The following CLCN6 variants were observed in gnomAD, a reference collection of about 807,000 sequenced individuals.
CLCN6 encodes Cl-/H+ antiporter 6, also known as H(+)/Cl(-) exchange transporter 6.
CLCN6 carries 70 observed loss-of-function variants against 109.8 expected under a neutral mutation model. The observed-to-expected ratio is 0.64, with a 90% confidence interval of 0.53 to 0.78. CLCN6 has a LOEUF of 0.78. Among genes scored for constraint, CLCN6 ranks in the 30% least tolerant of loss-of-function variants. The probability of loss-of-function intolerance (pLI) is 0.00; values close to 1 mark genes in which losing one functional copy is unlikely to be tolerated. For missense variants in CLCN6, 984 were observed against 1,142.3 expected, an observed-to-expected ratio of 0.86 and a Z score of 2.00; for synonymous variants, 444 against 447.8, an observed-to-expected ratio of 0.99 and a Z score of 0.11.
chr1:11,813,785 G>C (rs1045598446), intron 2 of CLCN6, among the ~76,000 whole-genome samples: 10 of 152,072 alleles, frequency 6.6e-5, no homozygotes, highest in African/African-American at 2.4e-4. Flanking sequence ...ACTACCTCAC[G>C]GATGTTTTCC....
At position 11,829,125 on chromosome 1, in the gene CLCN6, G is replaced by C. The variant is rs201922046; in HGVS notation, c.1122-71G>C. 3.2e-6 allele frequency: 5 copies of C among 1,579,848 alleles called. No individual in the cohort carries two copies. The South Asian group carries it at 4.5e-5, about 14-fold the overall frequency. The stretch of plus-strand genomic sequence containing the variant: ...AGAAATCGGGGCTGGGGGTAGGCAG[G>C]GTTATGTTTTGAATTTCTGAGACCA... On this transcript the variant is annotated intron_variant, in intron 12 of 22. Transcript: ENST00000346436.
At chr1:11,832,505 T>C (rs1644894309) in intron 13 of CLCN6, among the ~76,000 whole-genome samples, 1 of 152,254 alleles carries the variant, frequency 6.6e-6, no homozygotes, top group African/African-American at 2.4e-5. Flanking sequence ...GCTGAGGCTC[T>C]GCACATGGCT....
chr1:11,838,435 T>C lies in CLCN6; in HGVS notation c.2396T>C (p.Met799Thr). Residue 799 changes from methionine to threonine, a missense_variant, in exon 21 of 23, where the codon ATG (methionine) becomes ACG (threonine). By Grantham distance (81) the Met-to-Thr change is moderately conservative. Coordinates refer to ENST00000346436, the MANE Select transcript of CLCN6 (RefSeq NM_001286.5). ...GACCTGACGCTGCTCAACCCGCGCATGATCGTGGTGAGAAGGGCTGCCCCG... is the reference window on the plus strand; with the variant it reads ...GACCTGACGCTGCTCAACCCGCGCACGATCGTGGTGAGAAGGGCTGCCCCG... ...DLDLTLLNPR[M>T]IVDVTPYMNP... The C allele has an allele frequency of 6.2e-7, 1 of 1,614,114 alleles. No homozygotes were observed. Among genetic ancestry groups the C allele is most frequent in the Non-Finnish European group, 8.5e-7 (1 of 1,180,002 alleles).
chr1:11,806,378 AG>A, intron 1 of CLCN6, 29 bp downstream of exon 1: 2 of 1,456,602 alleles, frequency 1.4e-6, no homozygotes. Flanking sequence ...CGGCCTGGGG[AG>A]GGGGCGGTTG....
intron 2 of CLCN6, among the ~76,000 whole-genome samples, chr1:11,809,570 AC>A (rs1557777093): frequency 1.3e-5 from 2 of 152,012 alleles, no homozygotes; most frequent in African/African-American, 4.8e-5. Flanking sequence ...CTGTTCTCCT[AC>A]CTCAGCCTCC....
At chr1:11,836,291 G>T in intron 18 of CLCN6, 138 bp downstream of exon 18, 1 of 716,284 alleles carries the variant, frequency 1.4e-6, no homozygotes, top group Non-Finnish European at 2.3e-6. Context: ...CATCACATGC[G>T]ACAGGGAGAG....
Position 11,815,916 on chromosome 1 carries a change from G to A in CLCN6, c.213+5G>A, listed in dbSNP as rs1330154433. 1 of 1,604,420 alleles carries A rather than the reference G, an allele frequency of 6.2e-7. No homozygotes were observed. The highest frequency in any genetic ancestry group is 1.3e-5 in the African/African-American group (1 of 74,798). On this transcript the variant is annotated splice_donor_5th_base_variant and intron_variant, in intron 3 of 22. Coordinates refer to ENST00000346436, the MANE Select transcript of CLCN6 (RefSeq NM_001286.5). The stretch of plus-strand genomic sequence containing the variant: ...TTGGAGACCATGGATAATAAGGTGG[G>A]TCTTACAATTCTTCATCTCTGGGGA...
chr1:11,809,158 C>T (rs1353784105), intron 2 of CLCN6, among the ~76,000 whole-genome samples: 5 of 152,120 alleles, frequency 3.3e-5, no homozygotes, highest in African/African-American at 1.2e-4. Flanking sequence ...TATACCTGGC[C>T]ATTTTCTTCT....
At chr1:11,836,733 A>G (rs1365586100) in intron 18 of CLCN6, among the ~76,000 whole-genome samples, 3 of 152,124 alleles carry the variant, frequency 2.0e-5, no homozygotes, top group African/African-American at 7.2e-5. Context: ...TTCTATCAAG[A>G]CAGGATGTAG....
Position 11,840,535 on chromosome 1 carries a change from G to A in CLCN6, c.*312G>A. 2.1e-6 allele frequency: 1 copy of A among 470,814 alleles called. No homozygotes were observed. The allele number at this position is 470,814 out of a possible 1,614,324, so 29.2% of individuals were successfully genotyped here. A position where few individuals can be genotyped will look rare whatever the true frequency, so the allele number is the denominator to read the frequency against. On this transcript the variant is annotated 3_prime_UTR_variant, in exon 23 of 23. Transcript: ENST00000346436. ...CCAGAAGCAGAGGTAGAATCAGGCG[G>A]GCCCCGGGCTGCACTCCGAGCAGTG... is the stretch of plus-strand genomic sequence containing the variant.
intron 5 of CLCN6, among the ~76,000 whole-genome samples, chr1:11,822,386 G>A (rs1204422812): frequency 6.6e-6 from 1 of 152,036 alleles, no homozygotes; most frequent in East Asian, 1.9e-4. Context: ...AGCTTCTTGA[G>A]TAGCTGGGAC....
chr1:11,837,451 G>C lies in CLCN6; in HGVS notation c.2247G>C (p.Gln749His). Residue 749 changes from glutamine (Q) to histidine (H), a missense_variant, in exon 20 of 23, where the codon CAG (glutamine) becomes CAC (histidine). Gln to His is a conservative substitution (Grantham distance 24, BLOSUM62 0). Transcript: ENST00000346436. ...LTFHGLILRS[Q>H]LVTLLVRGVC... ...TCCACGGCCTGATCCTTCGGTCGCA[G>C]CTTGTCACCCTGCTTGTCCGAGGAG... 6.2e-7 allele frequency: 1 copy of C among 1,614,148 alleles called. No individual in the cohort carries two copies. Among genetic ancestry groups the C allele is most frequent in the South Asian group, 1.1e-5 (1 of 91,082 alleles).
At position 11,837,403 on chromosome 1, in the gene CLCN6, G is replaced by A; in HGVS notation, c.2199G>A (p.Glu733=). Residue 733 remains glutamate, a synonymous_variant, in exon 20 of 23, where the codon GAG becomes GAA. Transcript: ENST00000346436. ...DQSPSEDWTM[E]ERFRPLTFHG... Reference sequence around the variant, plus strand: ...CCCCAAGTGAAGACTGGACCATGGAGGAGCGGTTCCGCCCTCTGACCTTCC... The same window carrying A: ...CCCCAAGTGAAGACTGGACCATGGAAGAGCGGTTCCGCCCTCTGACCTTCC... 1 of 1,614,154 alleles carries A rather than the reference G, an allele frequency of 6.2e-7. No individual in the cohort carries two copies. The highest frequency in any genetic ancestry group is 8.5e-7 in the Non-Finnish European group (1 of 1,179,986).
At position 11,824,473 on chromosome 1, in the gene CLCN6, T is replaced by A. The variant is rs1644786089; in HGVS notation, c.581-13T>A. 6.2e-7 allele frequency: 1 copy of A among 1,610,922 alleles called. No individual in the cohort carries two copies. The highest frequency in any genetic ancestry group is 8.5e-7 in the Non-Finnish European group (1 of 1,178,236). ...GCACTGACTGTTGGTCTTTCCTTTT[T>A]CACCCTGCCCAGGGCTCTTCGTGGA... is the stretch of plus-strand genomic sequence containing the variant. On this transcript the variant is annotated splice_polypyrimidine_tract_variant and intron_variant, in intron 7 of 22. Coordinates refer to ENST00000346436, the MANE Select transcript of CLCN6 (RefSeq NM_001286.5).
At chr1:11,812,814 T>C (rs1278012803) in intron 2 of CLCN6, among the ~76,000 whole-genome samples, 1 of 151,978 alleles carries the variant, frequency 6.6e-6, no homozygotes, top group Non-Finnish European at 1.5e-5. Flanking sequence ...ATGAGGCTCT[T>C]CTCTGCCGTT....
chr1:11,825,132 C>G (rs1421159864), intron 8 of CLCN6, among the ~76,000 whole-genome samples: 1 of 152,180 alleles, frequency 6.6e-6, no homozygotes, highest in African/African-American at 2.4e-5. Flanking sequence ...TTCTTGGGGG[C>G]TACTCCAGAT....
Position 11,836,046 on chromosome 1 carries a change from C to T in CLCN6, c.1873C>T (p.Leu625=). 1.2e-6 allele frequency: 2 copies of T among 1,613,922 alleles called. No homozygotes were observed. The highest frequency in any genetic ancestry group is 8.5e-7 in the Non-Finnish European group (1 of 1,179,928). Residue 625 remains leucine, a synonymous_variant, in exon 18 of 23, where the codon CTG becomes TTG. Transcript: ENST00000346436. ...CCGCATCCAGTCTCTGGTGAGCATCCTGCGCACCACGGTCCACCATGCCTT... is the reference window on the plus strand; with the variant it reads ...CCGCATCCAGTCTCTGGTGAGCATCTTGCGCACCACGGTCCACCATGCCTT... ...HTRIQSLVSI[L]RTTVHHAFPV...
rs1249961433 is a variant in CLCN6 at position 11,823,821 on chromosome 1, A to G, written c.568A>G (p.Ser190Gly). 3 of 1,614,252 alleles carry G rather than the reference A, an allele frequency of 1.9e-6. No homozygotes were observed. Among genetic ancestry groups the G allele is most frequent in the Admixed American group, 3.3e-5 (2 of 60,032 alleles). Residue 190 changes from serine (S) to glycine (G), a missense_variant, in exon 7 of 23, where the codon AGT becomes GGT. By Grantham distance (56) the Ser-to-Gly change is moderately conservative. Transcript: ENST00000346436. ...CTGCAAGGTCCTTGGAGTGCTGTTC[A>G]GTGTGGCTGGAGGTAAGAAGGGTCC... Reference protein sequence around the residue: ...LLCKVLGVLFSVAGGLFVEKE... With the variant: ...LLCKVLGVLFGVAGGLFVEKE...
chr1:11,838,762 C>T (rs941144719), intron 22 of CLCN6, 102 bp downstream of exon 22: 32 of 1,538,574 alleles, frequency 2.1e-5, no homozygotes, highest in African/African-American at 8.2e-5. Flanking sequence ...GGCATCCCAC[C>T]AGGAGGGGAG....
Sources: allele counts gnomAD v4.1 joint callset (sites outside exome capture counted in the v4.1 genomes callset), GRCh38; gene constraint gnomAD v4.1.1; transcripts MANE v1.5; gene names NCBI Gene and HGNC (gene_info 2026-07-23, HGNC 2026-07-21).